The following GARS1 variants were observed in gnomAD, a reference collection of about 807,000 sequenced individuals.
GARS1 encodes glycyl-tRNA synthetase 1.
Under a neutral mutation model 86.4 loss-of-function variants are expected in GARS1, and 46 were observed. The observed-to-expected ratio is 0.53, with a 90% CI of 0.42 to 0.68. The LOEUF (loss-of-function observed/expected upper bound fraction) is 0.68, where lower values mean the gene tolerates loss of function less well. Among genes scored for constraint, GARS1 ranks in the 30% least tolerant of loss-of-function variants. The pLI is 0.00. For synonymous variants in GARS1, 342 were observed against 329.8 expected, an observed-to-expected ratio of 1.04 and a Z score of -0.40; for missense variants, 797 against 915.6, an observed-to-expected ratio of 0.87 and a Z score of 1.67.
In GARS1 at chr7:30,612,055, A is replaced by G. The variant is rs1432943026; in HGVS notation, c.882-41A>G. The G allele has an allele frequency of 1.2e-5, 19 of 1,564,602 alleles. No homozygotes were observed. In the South Asian group the frequency reaches 2.1e-4, roughly 17 times the overall value. ...AATTTCAGGATTGTTGGAAAACATA[A>G]TTTCTTTCTTTGTAACAGACTGACT... On this transcript the variant is annotated intron_variant, in intron 7 of 16. Transcript: ENST00000389266.
chr7:30,632,428 A>G lies in GARS1; in HGVS notation c.2085A>G (p.Ile695Met). 6.2e-7 allele frequency: 1 copy of G among 1,614,176 alleles called. No homozygotes were observed. Among genetic ancestry groups the G allele is most frequent in the Non-Finnish European group, 8.5e-7 (1 of 1,179,992 alleles). Residue 695 changes from isoleucine to methionine, a missense_variant, in exon 16 of 17, where the codon ATA (isoleucine) becomes ATG (methionine). By Grantham distance (10) the Ile-to-Met change is conservative. Around this residue, in one of 2 missense-constraint regions of GARS1, gnomAD observed 598 missense variants for 738.7 expected, o/e 0.81. Coordinates refer to ENST00000389266, the MANE Select transcript of GARS1 (RefSeq NM_002047.4). This position sits in a 1 kb window ranked among gnomAD's most constrained non-coding sequence, Gnocchi z 4.1. ...GGGACCGTGACTCAATGCGGCAGAT[A>G]AGAGCAGAGGTATCTGGCCTTCTCT... ...TLRDRDSMRQIRAEISELPSI... is the reference protein window; with the variant it reads ...TLRDRDSMRQMRAEISELPSI...
intron 1 of GARS1, among the ~76,000 whole-genome samples, chr7:30,597,840 C>CTA (rs1251973430): frequency 6.6e-6 from 1 of 152,120 alleles, no homozygotes; most frequent in Non-Finnish European, 1.5e-5. Flanking sequence ...TGCCCAAGGG[C>CTA]TATATCAATT....
intron 11 of GARS1, 78 bp downstream of exon 11, chr7:30,621,578 T>A: frequency 9.9e-7 from 1 of 1,007,974 alleles, no homozygotes; most frequent in Non-Finnish European, 1.6e-6. Flanking sequence ...AGTCTTTACC[T>A]TGTTCTATGG....
intron 8 of GARS1, among the ~76,000 whole-genome samples, chr7:30,612,956 C>T (rs760252421): frequency 6.6e-6 from 1 of 152,174 alleles, no homozygotes; most frequent in African/African-American, 2.4e-5. Context: ...GGTATCATCT[C>T]TTAGAGTAAT....
At position 30,610,942 on chromosome 7, in the gene GARS1, AC is replaced by A. The variant is rs570435927; in HGVS notation, c.882-1153del. On this transcript the variant is annotated intron_variant, in intron 7 of 16. Coordinates refer to ENST00000389266, the MANE Select transcript of GARS1 (RefSeq NM_002047.4). Reference sequence around the variant, plus strand: ...GTAAATATATGTATAAACTTTACTTACATTTGGATGAAATCTGGAAAGGGCC... The same window carrying A: ...GTAAATATATGTATAAACTTTACTTAATTTGGATGAAATCTGGAAAGGGCC... Among the ~76,000 whole-genome samples, 65 of 152,360 alleles carry A rather than the reference AC, an allele frequency of 4.3e-4. No individual in the cohort carries two copies. In the Middle Eastern group the frequency reaches 0.014, roughly 32 times the overall value.
chr7:30,624,755 G>T (rs887206935), intron 12 of GARS1, among the ~76,000 whole-genome samples: 7 of 152,204 alleles, frequency 4.6e-5, no homozygotes, highest in African/African-American at 1.7e-4. Context: ...ACTCTTGCAA[G>T]TTGAAGATAC....
upstream of GARS1, chr7:30,594,869 G>A: frequency 6.9e-7 from 1 of 1,446,486 alleles, no homozygotes. Context: ...GAGCCGGGCG[G>A]CGCGCGCCGC....
At chr7:30,620,024 G>A (rs749921688) in intron 10 of GARS1, among the ~76,000 whole-genome samples, 22 of 151,672 alleles carry the variant, frequency 1.5e-4, no homozygotes, top group South Asian at 2.1e-4. Flanking sequence ...TGATCCACCC[G>A]CCTTAGCCTC....
chr7:30,599,234 A>G (rs1271408809), intron 2 of GARS1, among the ~76,000 whole-genome samples: 2 of 152,196 alleles, frequency 1.3e-5, no homozygotes, highest in Non-Finnish European at 2.9e-5. Flanking sequence ...TGTTTTAAGG[A>G]AAAGGTCTGT....
At position 30,632,236 on chromosome 7, in the gene GARS1, A is replaced by G; in HGVS notation, c.1904-11A>G. On this transcript the variant is annotated splice_polypyrimidine_tract_variant and intron_variant, in intron 15 of 16. Transcript: ENST00000389266. The surrounding 1 kb of genome is among the most constrained non-coding windows in gnomAD (Gnocchi z 4.1). ...GTTTTATTTTTAATTTACTTTGTTT[A>G]TTTTGGATAGCGGAAGCCCTGACCA... is the stretch of plus-strand genomic sequence containing the variant. The G allele has an allele frequency of 6.2e-7, 1 of 1,613,718 alleles. No individual in the cohort carries two copies. Among genetic ancestry groups the G allele is most frequent in the Non-Finnish European group, 8.5e-7 (1 of 1,179,722 alleles).
intron 1 of GARS1, among the ~76,000 whole-genome samples, chr7:30,597,585 T>G (rs1791280022): frequency 6.6e-6 from 1 of 152,168 alleles, no homozygotes; most frequent in Admixed American, 6.5e-5. Flanking sequence ...AAACTCAAAA[T>G]TTAAAAACCC....
At position 30,617,375 on chromosome 7, in the gene GARS1, A is replaced by G. The variant is rs2709772; in HGVS notation, c.1359+97A>G. 29,324 of 1,373,316 alleles carry G rather than the reference A, an allele frequency of 0.021. 709 individuals carry two copies. Among genetic ancestry groups the G allele is most frequent in the East Asian group, 0.097 (3,943 of 40,832 alleles). The allele number at this position is 1,373,316 out of a possible 1,614,324, so 85.1% of individuals were successfully genotyped here. ...TGTGCACTTTATGTCACAGAGGAAC[A>G]AAGGGAAAAGAAAAGAGATCTTTTC... is the stretch of plus-strand genomic sequence containing the variant. On this transcript the variant is annotated intron_variant, in intron 10 of 16. Coordinates refer to ENST00000389266, the MANE Select transcript of GARS1 (RefSeq NM_002047.4).
intron 10 of GARS1, among the ~76,000 whole-genome samples, chr7:30,619,776 C>CTTTT (rs61613428): frequency 6.4e-5 from 8 of 124,276 alleles, no homozygotes; most frequent in African/African-American, 9.4e-5. Flanking sequence ...TTCTTTTTTT[C>CTTTT]TTTTTTTTTT....
chr7:30,622,879 T>G (rs1302383080), intron 12 of GARS1, among the ~76,000 whole-genome samples: 1 of 152,000 alleles, frequency 6.6e-6, no homozygotes, highest in Non-Finnish European at 1.5e-5. Flanking sequence ...GGTGGGCAGA[T>G]CACGAGGTCA....
chr7:30,627,048 T>G (rs1193220494), intron 13 of GARS1: 5 of 467,770 alleles, frequency 1.1e-5, no homozygotes, highest in Non-Finnish European at 2.2e-5. Flanking sequence ...AGAAGATGTT[T>G]TTTTGTAGAA....
chr7:30,596,952 G>A (rs1791262560), intron 1 of GARS1, among the ~76,000 whole-genome samples: 1 of 152,170 alleles, frequency 6.6e-6, no homozygotes, highest in African/African-American at 2.4e-5. Context: ...GACTGGTCTT[G>A]TTAGTAGCAC....
At chr7:30,606,634 T>C (rs940467729) in intron 6 of GARS1, among the ~76,000 whole-genome samples, 2 of 152,222 alleles carry the variant, frequency 1.3e-5, no homozygotes, top group Admixed American at 1.3e-4. Context: ...TGAGTCCTTT[T>C]GACACAGCCC....
Position 30,621,884 on chromosome 7 carries a change from C to T in GARS1, c.1467+384C>T, listed in dbSNP as rs75717609. Among the ~76,000 whole-genome samples the T allele has an allele frequency of 7.0e-3, 1,070 of 152,234 alleles. 8 individuals are homozygous for T. Among genetic ancestry groups the T allele is most frequent in the Middle Eastern group, 0.014 (4 of 294 alleles). On this transcript the variant is annotated intron_variant, in intron 11 of 16. Transcript: ENST00000389266. Reference sequence around the variant, plus strand: ...AAAGATGAGTGCCATTTGATAGTAGCTGAAATAATAATTTAGCTCACTTGG... The same window carrying T: ...AAAGATGAGTGCCATTTGATAGTAGTTGAAATAATAATTTAGCTCACTTGG...
In GARS1 at chr7:30,633,909, A is replaced by C. The variant is rs758146125; in HGVS notation, c.*49A>C. The stretch of plus-strand genomic sequence containing the variant: ...CACTTGCGCTAATAAAAAAAAAAAA[A>C]AACTACTCTTATGTCCACTTTACAA... On this transcript the variant is annotated 3_prime_UTR_variant, in exon 17 of 17. Coordinates refer to ENST00000389266, the MANE Select transcript of GARS1 (RefSeq NM_002047.4). 180 of 1,590,642 alleles carry C rather than the reference A, an allele frequency of 1.1e-4. 2 individuals are homozygous for C. In the African/African-American group the frequency reaches 1.9e-3, roughly 17 times the overall value.
Sources: gnomAD v4.1 joint callset for allele counts (sites outside exome capture counted in the v4.1 genomes callset) on GRCh38, gnomAD v4.1.1 for gene constraint, gnomAD v4.1.1 regional missense constraint, Gnocchi (gnomAD v3.1) non-coding constraint, MANE v1.5 for transcripts, NCBI Gene and HGNC (gene_info 2026-07-23, HGNC 2026-07-21) for gene names.